The following MIA2 variants were observed in gnomAD, a reference collection of about 807,000 sequenced individuals.
MIA2 encodes the protein MIA SH3 domain ER export factor 2, also known as melanoma inhibitory activity protein 2.
Under a neutral mutation model 167.8 loss-of-function variants are expected in MIA2, and 127 were observed. The observed-to-expected ratio is 0.76, with a 90% CI of 0.66 to 0.88. The LOEUF (loss-of-function observed/expected upper bound fraction) is 0.88, where lower values mean the gene tolerates loss of function less well. MIA2 is among the 40% of genes least tolerant of loss of function. The pLI, the probability that MIA2 is intolerant of heterozygous loss-of-function variation, is 0.00. For synonymous variants in MIA2, 552 were observed against 541.9 expected, an observed-to-expected ratio of 1.02 and a Z score of -0.26; for missense variants, 1,690 against 1,624.7, an observed-to-expected ratio of 1.04 and a Z score of -0.69.
chr14:39,301,039 T>TACAC lies in MIA2; in HGVS notation c.2620-1055_2620-1052dup, dbSNP rs58641218. Reference sequence around the variant, plus strand: ...ATATACACACATATATACATATACATACACACACACACACACACACACACA... The same window carrying TACAC: ...ATATACACACATATATACATATACATACACACACACACACACACACACACACACA... On this transcript the variant is annotated intron_variant, in intron 14 of 28. Coordinates refer to ENST00000640607, the MANE Select transcript of MIA2 (RefSeq NM_001329214.4). Among the ~76,000 whole-genome samples, 263 of 145,232 alleles carry TACAC rather than the reference T, an allele frequency of 1.8e-3. 4 individuals are homozygous for TACAC. Among genetic ancestry groups the TACAC allele is most frequent in the South Asian group, 0.013 (60 of 4,528 alleles).
At chr14:39,348,405 A>G (rs1441157548) in intron 27 of MIA2, among the ~76,000 whole-genome samples, 2 of 152,204 alleles carry the variant, frequency 1.3e-5, no homozygotes, top group African/African-American at 4.8e-5. Context: ...TTTGGAAAAT[A>G]TAAACATAGA....
At chr14:39,255,190 A>T (rs929469458) in intron 6 of MIA2, among the ~76,000 whole-genome samples, 3 of 152,120 alleles carry the variant, frequency 2.0e-5, no homozygotes, top group African/African-American at 7.2e-5. Context: ...GGTGTTGAAG[A>T]TGTTGATTAT....
chr14:39,368,982 T>G (rs2074880797), intron 23 of MIA2, among the ~76,000 whole-genome samples: 1 of 152,228 alleles, frequency 6.6e-6, no homozygotes, highest in South Asian at 2.1e-4. Flanking sequence ...TTAAATTCCA[T>G]TTGCTTCTCT....
intron 26 of MIA2, among the ~76,000 whole-genome samples, chr14:39,346,714 A>G (rs955205239): frequency 6.7e-6 from 1 of 149,080 alleles, no homozygotes; most frequent in East Asian, 1.9e-4. Flanking sequence ...AAAAATATTG[A>G]TTTTCTGACA....
chr14:39,258,414 T>C (rs963013232), intron 6 of MIA2, among the ~76,000 whole-genome samples: 1 of 152,200 alleles, frequency 6.6e-6, no homozygotes, highest in Admixed American at 6.5e-5. Flanking sequence ...GAAGTTCTTA[T>C]GCTGTGTTTT....
chr14:39,272,062 C>T (rs886224798), intron 6 of MIA2, among the ~76,000 whole-genome samples: 1 of 151,674 alleles, frequency 6.6e-6, no homozygotes, highest in Non-Finnish European at 1.5e-5. Flanking sequence ...ATGTAGACAA[C>T]TAATTAGGAG....
intron 23 of MIA2, among the ~76,000 whole-genome samples, chr14:39,375,165 A>G (rs954093944): frequency 6.6e-6 from 1 of 152,190 alleles, no homozygotes; most frequent in Non-Finnish European, 1.5e-5. Flanking sequence ...TGTTTTCTAG[A>G]TTGTTTTTCA....
intron 9 of MIA2, among the ~76,000 whole-genome samples, chr14:39,287,243 T>G (rs796432410): frequency 3.3e-5 from 5 of 151,838 alleles, no homozygotes; most frequent in African/African-American, 1.2e-4. Context: ...CCAGTTAATT[T>G]TTTGTATTTT....
chr14:39,252,457 C>G (rs2054622945), intron 4 of MIA2, among the ~76,000 whole-genome samples: 1 of 152,154 alleles, frequency 6.6e-6, no homozygotes, highest in Admixed American at 6.5e-5. Context: ...CTAGAGCCTC[C>G]TGAAGGAATG....
chr14:39,291,244 G>A, intron 10 of MIA2, 148 bp downstream of exon 10: 1 of 589,900 alleles, frequency 1.7e-6, no homozygotes, highest in Non-Finnish European at 2.7e-6. Flanking sequence ...AATTAATATA[G>A]GAAATGGGAC....
At chr14:39,280,800 G>C (rs748131231) in intron 9 of MIA2, among the ~76,000 whole-genome samples, 1 of 151,596 alleles carries the variant, frequency 6.6e-6, no homozygotes, top group African/African-American at 2.4e-5. Context: ...TCTTGGTTTT[G>C]GCTCTCAGCA....
chr14:39,330,753 T>C (rs1473054392), intron 25 of MIA2, among the ~76,000 whole-genome samples: 1 of 152,228 alleles, frequency 6.6e-6, no homozygotes, highest in Non-Finnish European at 1.5e-5. Flanking sequence ...GGTTGTTCAG[T>C]TTCCATGTAG....
intron 25 of MIA2, among the ~76,000 whole-genome samples, chr14:39,343,265 C>T (rs2072429708): frequency 6.6e-6 from 1 of 152,176 alleles, no homozygotes; most frequent in South Asian, 2.1e-4. Context: ...GTGTCTCAGC[C>T]TCCCGAGTAG....
intron 6 of MIA2, among the ~76,000 whole-genome samples, chr14:39,275,055 A>G (rs1157105443): frequency 5.4e-5 from 8 of 147,512 alleles, no homozygotes; most frequent in Non-Finnish European, 9.0e-5. Flanking sequence ...AGCCTCGGCA[A>G]CAGAGTGAGA....
At position 39,259,917 on chromosome 14, in the gene MIA2, T is replaced by C. The variant is rs527884058; in HGVS notation, c.1887+6746T>C. 2.0e-5 allele frequency among the ~76,000 whole-genome samples: 3 copies of C among 152,198 alleles called. No homozygotes were observed. The East Asian group carries it at 5.8e-4, about 29-fold the overall frequency. ...TGTTCCCCACTCTGTGTCCAAGCGT[T>C]CTCATTGTTCAATTCCCACCTATGA... On this transcript the variant is annotated intron_variant, in intron 6 of 28. Coordinates refer to ENST00000640607, the MANE Select transcript of MIA2 (RefSeq NM_001329214.4).
At chr14:39,285,423 G>GT (rs1369703417) in intron 9 of MIA2, among the ~76,000 whole-genome samples, 1 of 149,070 alleles carries the variant, frequency 6.7e-6, no homozygotes, top group African/African-American at 2.5e-5. Context: ...GCCGGGCGGG[G>GT]GCTGACCCCC....
chr14:39,265,956 G>A (rs910563274), intron 6 of MIA2: 3 of 985,268 alleles, frequency 3.0e-6, no homozygotes, highest in African/African-American at 3.5e-5. Flanking sequence ...AAACTCCTCA[G>A]GCTGATGTGG....
At chr14:39,386,040 A>G (rs1159124063) in intron 23 of MIA2, 40 of 1,115,698 alleles carry the variant, frequency 3.6e-5, no homozygotes, top group Non-Finnish European at 5.1e-5. Context: ...CTGGGCCCGG[A>G]CAACCTCTTC....
Position 39,304,304 on chromosome 14 carries a change from T to C in MIA2, c.2801T>C (p.Leu934Ser), listed in dbSNP as rs1754018169. The C allele has an allele frequency of 6.7e-7, 1 of 1,498,876 alleles. No homozygotes were observed. The highest frequency in any genetic ancestry group is 9.1e-7 in the Non-Finnish European group (1 of 1,098,508). 92.8% of individuals were successfully genotyped at this position (1,498,876 alleles called of 1,614,324 possible). A position where few individuals can be genotyped will look rare whatever the true frequency, so the allele number is the denominator to read the frequency against. The change falls in exon 17 of 29, where the codon TTA becomes TCA. Residue 934 changes from leucine (L) to serine (S), a missense_variant. By Grantham distance (145) the Leu-to-Ser change is moderately radical. Coordinates refer to ENST00000640607, the MANE Select transcript of MIA2 (RefSeq NM_001329214.4). Reference protein sequence around the residue: ...LIHAAKLNASLKTLEGERNQI... With the variant: ...LIHAAKLNASSKTLEGERNQI... ...CCTTCTTTAAAGTTAAATGCTTCTT[T>C]AAAAACCTTAGAAGGAGAAAGAAAC...
Sources: gnomAD v4.1 joint callset for allele counts (sites outside exome capture counted in the v4.1 genomes callset) on GRCh38, gnomAD v4.1.1 for gene constraint, MANE v1.5 for transcripts, NCBI Gene and HGNC (gene_info 2026-07-23, HGNC 2026-07-21) for gene names.